ADAM22: variants seen among roughly 807,000 people sequenced by gnomAD.
The protein encoded by ADAM22 is ADAM metallopeptidase domain 22, also known as disintegrin and metalloproteinase domain-containing protein 22.
A neutral mutation model predicts 144.6 loss-of-function variants in ADAM22; 65 were observed. That is an observed-to-expected ratio of 0.45 (90% CI 0.37 to 0.55). ADAM22 has a LOEUF of 0.55. ADAM22 is among the 20% of genes least tolerant of loss of function. The pLI is 0.00. For synonymous variants in ADAM22, 391 were observed against 412.6 expected, an observed-to-expected ratio of 0.95 and a Z score of 0.63; for missense variants, 974 against 1,184.9, an observed-to-expected ratio of 0.82 and a Z score of 2.61.
chr7:88,052,460 A>T (rs1229202866), intron 3 of ADAM22, among the ~76,000 whole-genome samples: 2 of 151,904 alleles, frequency 1.3e-5, no homozygotes, highest in Admixed American at 1.3e-4. Flanking sequence ...AGATCACGCC[A>T]CTGCACTCCA....
chr7:88,083,254 C>A (rs541430767), intron 4 of ADAM22, among the ~76,000 whole-genome samples: 1 of 152,022 alleles, frequency 6.6e-6, no homozygotes, highest in Admixed American at 6.6e-5. Context: ...AACCAAACAC[C>A]GCATGTTCTC....
intron 14 of ADAM22, 48 bp from the exon 15 acceptor site, chr7:88,142,978 T>C (rs1835243772): frequency 1.7e-6 from 2 of 1,181,374 alleles, no homozygotes; most frequent in Non-Finnish European, 2.5e-6. Context: ...CATTCACAAA[T>C]GAGAAAGATG....
chr7:87,940,530 A>G (rs1305934133), intron 2 of ADAM22, among the ~76,000 whole-genome samples: 1 of 152,218 alleles, frequency 6.6e-6, no homozygotes, highest in Non-Finnish European at 1.5e-5. Context: ...GGTTTTAAAT[A>G]GTAATTCTGT....
chr7:88,085,548 G>GAAC (rs1818217412), intron 4 of ADAM22, among the ~76,000 whole-genome samples: 1 of 152,050 alleles, frequency 6.6e-6, no homozygotes, highest in South Asian at 2.1e-4. Flanking sequence ...AGACTGTCTT[G>GAAC]AACAACAACA....
Position 88,169,436 on chromosome 7 carries a change from G to A in ADAM22, c.2282+1209G>A, listed in dbSNP as rs868819082. Among the ~76,000 whole-genome samples, 4 of 152,080 alleles carry A rather than the reference G, an allele frequency of 2.6e-5. No homozygotes were observed. In the South Asian group the frequency reaches 8.3e-4, roughly 32 times the overall value. On this transcript the variant is annotated intron_variant, in intron 25 of 31. Coordinates refer to ENST00000413139, the MANE Select transcript of ADAM22 (RefSeq NM_001324418.2). ...ACAAATTCTTGTATCATTAATGCTT[G>A]TAGCATACAAAACTTATCCTGGCAG...
chr7:88,117,264 A>C (rs1209673345), intron 7 of ADAM22, among the ~76,000 whole-genome samples: 1 of 152,190 alleles, frequency 6.6e-6, no homozygotes, highest in East Asian at 1.9e-4. Flanking sequence ...GAAATTAGTC[A>C]TTTCTTCTCA....
chr7:88,108,154 C>G (rs775331255), intron 4 of ADAM22, 22 bp from the exon 5 acceptor site: 1 of 1,593,708 alleles, frequency 6.3e-7, no homozygotes, highest in South Asian at 1.1e-5. Flanking sequence ...CAAAGACTTA[C>G]ATTCTTTATT....
chr7:88,065,543 C>G (rs569237744), intron 3 of ADAM22, among the ~76,000 whole-genome samples: 1 of 152,130 alleles, frequency 6.6e-6, no homozygotes, highest in Non-Finnish European at 1.5e-5. Flanking sequence ...GAGATAAGCA[C>G]TGCTAGCGTC....
At chr7:87,969,860 T>C (rs1461253996) in intron 2 of ADAM22, among the ~76,000 whole-genome samples, 1 of 152,226 alleles carries the variant, frequency 6.6e-6, no homozygotes, top group East Asian at 1.9e-4. Flanking sequence ...AGATAATGTG[T>C]AAATTAGATA....
chr7:87,966,728 T>TTTTG (rs1849163062), intron 2 of ADAM22, among the ~76,000 whole-genome samples: 1 of 126,698 alleles, frequency 7.9e-6, no homozygotes, highest in Non-Finnish European at 1.7e-5. Context: ...GCCGTTTTTT[T>TTTTG]TTTTTTTTTT....
chr7:88,195,319 T>C (rs913025441), intron 31 of ADAM22, among the ~76,000 whole-genome samples: 3 of 152,198 alleles, frequency 2.0e-5, no homozygotes, highest in African/African-American at 7.2e-5. Flanking sequence ...TCTGATCATG[T>C]CACACTTGTT....
chr7:87,944,947 T>C (rs1843311796), intron 2 of ADAM22, among the ~76,000 whole-genome samples: 1 of 150,834 alleles, frequency 6.6e-6, no homozygotes, highest in Non-Finnish European at 1.5e-5. Context: ...TTTTTTCTTT[T>C]TCTTTTTATT....
chr7:88,050,422 A>AG (rs1275034043), intron 3 of ADAM22, among the ~76,000 whole-genome samples: 2 of 150,880 alleles, frequency 1.3e-5, no homozygotes, highest in African/African-American at 4.9e-5. Context: ...AGGAATTAAA[A>AG]GAATTATACC....
At chr7:88,181,817 T>C in intron 28 of ADAM22, 141 bp from the exon 29 acceptor site, 1 of 843,440 alleles carries the variant, frequency 1.2e-6, no homozygotes, top group Non-Finnish European at 1.9e-6. Flanking sequence ...AAATTTAATT[T>C]GAGAAAGCTG....
chr7:88,182,817 T>G (rs1847406776), intron 29 of ADAM22, among the ~76,000 whole-genome samples: 1 of 152,200 alleles, frequency 6.6e-6, no homozygotes. Flanking sequence ...GGACTGAACT[T>G]GCCACCTGAC....
chr7:88,125,487 G>C lies in ADAM22; in HGVS notation c.608-102G>C, dbSNP rs142569914. On this transcript the variant is annotated intron_variant, in intron 7 of 31. Coordinates refer to ENST00000413139, the MANE Select transcript of ADAM22 (RefSeq NM_001324418.2). ...GTGTGATCGTTAAGTGCAACATTAT[G>C]TATTATAAAATTCATAAGAAGGAAG... 2.1e-3 allele frequency: 1,490 copies of C among 697,652 alleles called. 31 individuals carry two copies. In the East Asian group the frequency reaches 0.027, roughly 13 times the overall value. The allele number at this position is 697,652 out of a possible 1,614,324, so 43.2% of individuals were successfully genotyped here. A position where few individuals can be genotyped will look rare whatever the true frequency, so the allele number is the denominator to read the frequency against.
At chr7:88,033,241 G>A (rs1800717954) in intron 3 of ADAM22, among the ~76,000 whole-genome samples, 1 of 152,236 alleles carries the variant, frequency 6.6e-6, no homozygotes, top group African/African-American at 2.4e-5. Context: ...TGCTGCAGCT[G>A]TATCTGCATT....
At chr7:88,137,111 ATGTG>A (rs1833171590) in intron 14 of ADAM22, among the ~76,000 whole-genome samples, 1 of 152,114 alleles carries the variant, frequency 6.6e-6, no homozygotes, top group African/African-American at 2.4e-5. Context: ...TATAGTATGT[ATGTG>A]TGTTGGAGTA....
chr7:88,121,748 G>T (rs895845144), intron 7 of ADAM22, among the ~76,000 whole-genome samples: 1 of 152,178 alleles, frequency 6.6e-6, no homozygotes, highest in Non-Finnish European at 1.5e-5. Context: ...TAAGACGGAA[G>T]CCACAGTCTT....
Sources: gnomAD v4.1 joint callset for allele counts (sites outside exome capture counted in the v4.1 genomes callset) on GRCh38, gnomAD v4.1.1 for gene constraint, MANE v1.5 for transcripts, NCBI Gene and HGNC (gene_info 2026-07-23, HGNC 2026-07-21) for gene names.